The following RNF150 variants were observed in gnomAD, a reference collection of about 807,000 sequenced individuals.
The protein encoded by RNF150 is ring finger protein 150.
In RNF150, 24 loss-of-function variants were observed where a neutral mutation model predicts 39.3. That is an observed-to-expected ratio of 0.61 (90% CI 0.44 to 0.86). RNF150 has a LOEUF of 0.86. RNF150 is among the 40% of genes least tolerant of loss of function. RNF150 has a pLI of 0.00. For missense variants in RNF150, 502 were observed against 587.8 expected (o/e 0.85, Z 1.51); for synonymous variants, 255 against 227.3 (o/e 1.12, Z -1.10).
chr4:140,905,264 G>A (rs1730333092), intron 6 of RNF150, among the ~76,000 whole-genome samples: 1 of 151,932 alleles, frequency 6.6e-6, no homozygotes, highest in African/African-American at 2.4e-5. Flanking sequence ...ACCCATTTAA[G>A]AGCCTGTAGT....
chr4:141,070,240 T>C (rs4632739), intron 1 of RNF150, among the ~76,000 whole-genome samples: 1 of 152,204 alleles, frequency 6.6e-6, no homozygotes. Context: ...TCAAAATGGA[T>C]TAAAGATTTA....
intron 1 of RNF150, among the ~76,000 whole-genome samples, chr4:141,011,041 T>C (rs984090780): frequency 2.0e-5 from 3 of 152,072 alleles, no homozygotes; most frequent in African/African-American, 4.8e-5. Context: ...AAGTGCTGAT[T>C]TATATGACCC....
chr4:141,149,069 T>C (rs1343235151), intron 1 of RNF150, among the ~76,000 whole-genome samples: 1 of 152,200 alleles, frequency 6.6e-6, no homozygotes, highest in Non-Finnish European at 1.5e-5. Flanking sequence ...ATTCATGTAG[T>C]CAAGTAAATA....
At chr4:140,895,923 A>G in intron 6 of RNF150, among the ~76,000 whole-genome samples, 1 of 150,052 alleles carries the variant, frequency 6.7e-6, no homozygotes, top group South Asian at 2.1e-4. Context: ...GCAGCCAAAA[A>G]ACACATGAAG....
chr4:140,950,700 C>G (rs894718405), intron 2 of RNF150, among the ~76,000 whole-genome samples: 1 of 152,328 alleles, frequency 6.6e-6, no homozygotes, highest in African/African-American at 2.4e-5. Flanking sequence ...ACCAACCATC[C>G]AGCCAATCAG....
chr4:141,206,787 T>C (rs1728382245), intron 1 of RNF150, among the ~76,000 whole-genome samples: 1 of 151,998 alleles, frequency 6.6e-6, no homozygotes, highest in South Asian at 2.1e-4. Flanking sequence ...AGTCCCCCAA[T>C]AGGCTGTCTG....
chr4:141,132,994 G>C lies in RNF150; in HGVS notation c.-186C>G, dbSNP rs956091214. The C allele has an allele frequency of 5.5e-6, 3 of 548,080 alleles. No homozygotes were observed. The African/African-American group carries it at 6.1e-5, about 11-fold the overall frequency. The allele number at this position is 548,080 out of a possible 1,614,324, so 34.0% of individuals were successfully genotyped here. On this transcript the variant is annotated 5_prime_UTR_variant, in exon 1 of 7. Transcript: ENST00000515673. This position sits in a 1 kb window ranked among gnomAD's most constrained non-coding sequence, Gnocchi z 4.9. Reference sequence around the variant, plus strand: ...GATTCCGGGCGAGCGGATGGCGCTGGCCCCTTCCCCTCTCAGCTGTAGCGC... The same window carrying C: ...GATTCCGGGCGAGCGGATGGCGCTGCCCCCTTCCCCTCTCAGCTGTAGCGC...
intron 1 of RNF150, among the ~76,000 whole-genome samples, chr4:141,207,515 C>T (rs1247921162): frequency 6.6e-6 from 1 of 152,126 alleles, no homozygotes; most frequent in African/African-American, 2.4e-5. Context: ...CCCTGGATGA[C>T]AGTCAGCACA....
chr4:141,170,616 G>A (rs1727698660), intron 1 of RNF150, among the ~76,000 whole-genome samples: 1 of 152,132 alleles, frequency 6.6e-6, no homozygotes, highest in Middle Eastern at 3.2e-3. Context: ...TTTTTTCTGA[G>A]ATAGGGTCAT....
intron 1 of RNF150, among the ~76,000 whole-genome samples, chr4:141,006,237 TGTATATATATACATACATATATAC>T (rs1042109825): frequency 3.7e-4 from 19 of 51,524 alleles, no homozygotes; most frequent in Middle Eastern, 0.015. Context: ...TATATGTGTA[TGTATATATATACATACATATATAC>T]GTATATATAT....
intron 2 of RNF150, among the ~76,000 whole-genome samples, chr4:140,956,573 G>C (rs1249507933): frequency 6.6e-6 from 1 of 152,164 alleles, no homozygotes; most frequent in African/African-American, 2.4e-5. Flanking sequence ...CCAGCTTTCT[G>C]TATGGCAGAT....
intron 2 of RNF150, among the ~76,000 whole-genome samples, chr4:140,965,812 C>G (rs1895757): frequency 0.96 from 146,648 of 152,130 alleles, 70,900 homozygotes; most frequent in East Asian, 1. Context: ...CAGAATGTAT[C>G]ATGAGCAAGT....
At chr4:141,198,184 C>T (rs1165901643) in intron 1 of RNF150, among the ~76,000 whole-genome samples, 1 of 151,576 alleles carries the variant, frequency 6.6e-6, no homozygotes, top group Non-Finnish European at 1.5e-5. Context: ...CACCACTAAT[C>T]CAAGATAATT....
At chr4:141,206,012 C>G (rs1156491690) in intron 1 of RNF150, among the ~76,000 whole-genome samples, 1 of 152,168 alleles carries the variant, frequency 6.6e-6, no homozygotes, top group Non-Finnish European at 1.5e-5. Context: ...CAAATTCACT[C>G]ATGATCACTC....
intron 1 of RNF150, among the ~76,000 whole-genome samples, chr4:141,024,336 T>C (rs1319886404): frequency 6.6e-6 from 1 of 152,156 alleles, no homozygotes; most frequent in African/African-American, 2.4e-5. Flanking sequence ...AATCTCTTCT[T>C]AAAATTCCTA....
At position 141,132,549 on chromosome 4, in the gene RNF150, C is replaced by G; in HGVS notation, c.260G>C (p.Arg87Pro). The G allele has an allele frequency of 6.3e-7, 1 of 1,595,282 alleles. No individual in the cohort carries two copies. The highest frequency in any genetic ancestry group is 8.5e-7 in the Non-Finnish European group (1 of 1,171,794). The stretch of plus-strand genomic sequence containing the variant: ...CGAGCTGGCCATGACCACCTCCCCG[C>G]GGGCGTCCTGCTTGGGCGAGTGCTC... ...YGEHSPKQDA[R>P]GEVVMASSAH... Residue 87 changes from arginine to proline, a missense_variant, in exon 1 of 7, where the codon CGC becomes CCC. Transcript: ENST00000515673. This position sits in a 1 kb window ranked among gnomAD's most constrained non-coding sequence, Gnocchi z 4.9.
Position 141,132,993 on chromosome 4 carries a change from G to A in RNF150, c.-185C>T, listed in dbSNP as rs1726946854. 1.8e-6 allele frequency: 1 copy of A among 549,334 alleles called. No individual in the cohort carries two copies. Among genetic ancestry groups the A allele is most frequent in the Non-Finnish European group, 3.1e-6 (1 of 318,254 alleles). 34.0% of individuals were successfully genotyped at this position (549,334 alleles called of 1,614,324 possible). ...GGATTCCGGGCGAGCGGATGGCGCTGGCCCCTTCCCCTCTCAGCTGTAGCG... is the reference window on the plus strand; with the variant it reads ...GGATTCCGGGCGAGCGGATGGCGCTAGCCCCTTCCCCTCTCAGCTGTAGCG... On this transcript the variant is annotated 5_prime_UTR_variant, in exon 1 of 7. Transcript: ENST00000515673. This position sits in a 1 kb window ranked among gnomAD's most constrained non-coding sequence, Gnocchi z 4.9.
chr4:141,036,020 T>C (rs1736129601), intron 1 of RNF150, among the ~76,000 whole-genome samples: 1 of 151,896 alleles, frequency 6.6e-6, no homozygotes, highest in Non-Finnish European at 1.5e-5. Context: ...GAAAGAAGGA[T>C]TGAGAACCAC....
intron 1 of RNF150, among the ~76,000 whole-genome samples, chr4:141,062,329 T>C (rs1190134097): frequency 6.6e-6 from 1 of 152,134 alleles, no homozygotes; most frequent in Non-Finnish European, 1.5e-5. Context: ...ATCTTATATA[T>C]ATCTCTCATA....
Sources: gnomAD v4.1 joint callset for allele counts (sites outside exome capture counted in the v4.1 genomes callset) on GRCh38, gnomAD v4.1.1 for gene constraint, Gnocchi (gnomAD v3.1) non-coding constraint, MANE v1.5 for transcripts, NCBI Gene and HGNC (gene_info 2026-07-23, HGNC 2026-07-21) for gene names.